Variants in TBC1D12 observed in about 807,000 individuals in gnomAD.
The protein encoded by TBC1D12 is TBC1 domain family member 12, also known as TBC1 domain family, member 12.
TBC1D12 carries 56 observed loss-of-function variants against 86.7 expected under a neutral mutation model. The ratio of observed to expected loss-of-function variants is 0.65; its 90% CI spans 0.52 to 0.81. The LOEUF is 0.81. TBC1D12 is among the 30% of genes least tolerant of loss of function. The probability of loss-of-function intolerance (pLI) is 0.00; values close to 1 mark genes in which losing one functional copy is unlikely to be tolerated. For missense variants in TBC1D12, 1,023 were observed against 1,038.8 expected, an observed-to-expected ratio of 0.98 and a Z score of 0.21; for synonymous variants, 421 against 411.7, an observed-to-expected ratio of 1.02 and a Z score of -0.27.
rs201319267 is a variant in TBC1D12 at position 94,465,793 on chromosome 10, C to T, written c.1096-8875C>T. ...GTATACGCATACATACATACATATA[C>T]GCATACATACATATACGCATACATA... On this transcript the variant is annotated intron_variant, in intron 2 of 12. Coordinates refer to ENST00000225235, the MANE Select transcript of TBC1D12 (RefSeq NM_015188.2). 8.0e-4 allele frequency among the ~76,000 whole-genome samples: 109 copies of T among 136,190 alleles called. 2 individuals are homozygous for T. The South Asian group carries it at 0.022, about 28-fold the overall frequency. The allele number at this position is 136,190 out of a possible 152,430, so 89.3% of individuals were successfully genotyped here.
chr10:94,414,171 TA>T (rs1258109758), intron 1 of TBC1D12, among the ~76,000 whole-genome samples: 1 of 152,160 alleles, frequency 6.6e-6, no homozygotes, highest in East Asian at 1.9e-4. Flanking sequence ...TTATTCTTGT[TA>T]AGGTGGTAAG....
At chr10:94,508,859 A>G (rs2056493213) in intron 7 of TBC1D12, 1 of 152,044 alleles carries the variant, frequency 6.6e-6, no homozygotes, top group South Asian at 2.1e-4. Context: ...AAGTGGTTGT[A>G]AGTCACATTT....
intron 1 of TBC1D12, among the ~76,000 whole-genome samples, chr10:94,403,787 G>A (rs1454176522): frequency 6.6e-6 from 1 of 152,210 alleles, no homozygotes; most frequent in Non-Finnish European, 1.5e-5. Flanking sequence ...TTCTATAGGA[G>A]AAGTTGTGAG....
intron 1 of TBC1D12, among the ~76,000 whole-genome samples, chr10:94,405,749 G>C (rs963446395): frequency 1.3e-5 from 2 of 152,142 alleles, no homozygotes; most frequent in Non-Finnish European, 1.5e-5. Context: ...TGCAGGTGGG[G>C]TGCAGGCTAA....
chr10:94,514,859 AGCTG>A (rs2056569147), intron 9 of TBC1D12, among the ~76,000 whole-genome samples: 1 of 150,790 alleles, frequency 6.6e-6, no homozygotes, highest in East Asian at 1.9e-4. Flanking sequence ...TTTCTATAAT[AGCTG>A]TACTAATTTA....
chr10:94,418,912 T>C (rs2134059796), intron 1 of TBC1D12, among the ~76,000 whole-genome samples: 1 of 151,198 alleles, frequency 6.6e-6, no homozygotes, highest in East Asian at 2.0e-4. Flanking sequence ...TCTCGCTCTG[T>C]TGCCCAGACT....
chr10:94,437,741 G>A (rs1256507537), intron 1 of TBC1D12, among the ~76,000 whole-genome samples: 3 of 152,020 alleles, frequency 2.0e-5, no homozygotes, highest in Non-Finnish European at 2.9e-5. Context: ...ACTACTGAGA[G>A]TGGACAGTTT....
chr10:94,481,961 T>TTA (rs1409667692), intron 3 of TBC1D12, among the ~76,000 whole-genome samples: 1 of 152,244 alleles, frequency 6.6e-6, no homozygotes, highest in East Asian at 1.9e-4. Context: ...AACAATCCAA[T>TTA]TATAATCTTT....
chr10:94,448,136 G>A (rs1475634901), intron 2 of TBC1D12, among the ~76,000 whole-genome samples: 4 of 152,094 alleles, frequency 2.6e-5, no homozygotes, highest in Non-Finnish European at 5.9e-5. Context: ...TAATCAGAGA[G>A]TTTCAAATTG....
At chr10:94,418,722 C>CCA (rs1473349708) in intron 1 of TBC1D12, among the ~76,000 whole-genome samples, 1 of 151,256 alleles carries the variant, frequency 6.6e-6, no homozygotes. Context: ...CAGTCACATG[C>CCA]CACTGTGCCA....
At chr10:94,505,606 G>GT (rs112250935) in intron 6 of TBC1D12, among the ~76,000 whole-genome samples, 5,274 of 148,134 alleles carry the variant, frequency 0.036, 304 homozygotes, top group African/African-American at 0.12. Context: ...GGAATTCTAA[G>GT]TTTTTTTTTT....
intron 7 of TBC1D12, among the ~76,000 whole-genome samples, chr10:94,507,629 TA>T (rs981137796): frequency 1.3e-5 from 2 of 152,200 alleles, no homozygotes; most frequent in African/African-American, 4.8e-5. Context: ...GACTCATTTT[TA>T]TGAAGCATTG....
At position 94,497,070 on chromosome 10, in the gene TBC1D12, A is replaced by G. The variant is rs201085770; in HGVS notation, c.1310A>G (p.His437Arg). Residue 437 changes from histidine (H) to arginine (R), a missense_variant, in exon 5 of 13, where the codon CAT becomes CGT. His to Arg is a conservative substitution (Grantham distance 29). Around this residue, in one of 2 missense-constraint regions of TBC1D12, gnomAD observed 395 missense variants for 507.7 expected, o/e 0.78. Transcript: ENST00000225235. ...TTTAAAACAGAAATTAAGGAAGCAC[A>G]TAAAAGAAAAAGAATCATGAAAGAA... Reference protein sequence around the residue: ...EAKKREIKEAHKRKRIMKERF... With the variant: ...EAKKREIKEARKRKRIMKERF... 2.2e-5 allele frequency: 34 copies of G among 1,565,928 alleles called. No homozygotes were observed. Among genetic ancestry groups the G allele is most frequent in the Non-Finnish European group, 2.9e-5 (34 of 1,162,260 alleles).
intron 5 of TBC1D12, among the ~76,000 whole-genome samples, chr10:94,499,956 C>T (rs1047180428): frequency 6.6e-6 from 1 of 152,098 alleles, no homozygotes; most frequent in Admixed American, 6.6e-5. Flanking sequence ...AAATAATTGA[C>T]TGCATATTTC....
At chr10:94,442,815 T>C (rs1294339578) in intron 2 of TBC1D12, among the ~76,000 whole-genome samples, 4 of 152,338 alleles carry the variant, frequency 2.6e-5, no homozygotes, top group African/African-American at 9.6e-5. Context: ...ATAATCATCA[T>C]TCAAATTGGA....
intron 2 of TBC1D12, among the ~76,000 whole-genome samples, chr10:94,446,261 C>T (rs181724635): frequency 1.3e-5 from 2 of 152,240 alleles, no homozygotes; most frequent in Non-Finnish European, 2.9e-5. Context: ...GATGTTATTA[C>T]GTTTGGAATC....
At chr10:94,514,050 C>CA (rs34400993) in intron 9 of TBC1D12, among the ~76,000 whole-genome samples, 1,714 of 133,768 alleles carry the variant, frequency 0.013, 11 homozygotes, top group Middle Eastern at 0.02. Context: ...AAAAAAAAAA[C>CA]AAAAAAAAAA....
At chr10:94,461,169 G>T (rs1030879724) in intron 2 of TBC1D12, among the ~76,000 whole-genome samples, 2 of 152,164 alleles carry the variant, frequency 1.3e-5, no homozygotes, top group Non-Finnish European at 1.5e-5. Flanking sequence ...GTGGGTAAAA[G>T]GAACTGGTAA....
chr10:94,464,570 A>G (rs1226640707), intron 2 of TBC1D12, among the ~76,000 whole-genome samples: 1 of 152,164 alleles, frequency 6.6e-6, no homozygotes, highest in Non-Finnish European at 1.5e-5. Flanking sequence ...GGCTCAAGCC[A>G]TCCTCCCACC....
Sources: allele counts gnomAD v4.1 joint callset (sites outside exome capture counted in the v4.1 genomes callset), GRCh38; gene constraint gnomAD v4.1.1; regional missense constraint gnomAD v4.1.1; transcripts MANE v1.5; gene names NCBI Gene and HGNC (gene_info 2026-07-23, HGNC 2026-07-21).